Variants in WWTR1 observed in about 807,000 individuals in gnomAD.
The protein encoded by WWTR1 is WW domain containing transcription regulator 1.
Under a neutral mutation model 40.1 loss-of-function variants are expected in WWTR1, and 13 were observed. The observed-to-expected ratio is 0.32, with a 90% CI of 0.21 to 0.52. The LOEUF (loss-of-function observed/expected upper bound fraction) is 0.52, where lower values mean the gene tolerates loss of function less well. Ranked by LOEUF, WWTR1 falls within the 20% of genes least tolerant of loss-of-function variation. The pLI, the probability that WWTR1 is intolerant of heterozygous loss-of-function variation, is 0.97. For missense variants in WWTR1, 436 were observed against 523.1 expected, an observed-to-expected ratio of 0.83 and a Z score of 1.63; for synonymous variants, 230 against 210.1, an observed-to-expected ratio of 1.09 and a Z score of -0.82.
intron 2 of WWTR1, among the ~76,000 whole-genome samples, chr3:149,596,832 G>A (rs771048766): frequency 1.4e-4 from 21 of 152,142 alleles, no homozygotes; most frequent in Admixed American, 2.6e-4. Context: ...TGGTTAAGAC[G>A]TCTGGAATCA....
chr3:149,527,973 C>T lies in WWTR1; in HGVS notation c.772-4G>A, dbSNP rs1489736683. 1 of 1,613,216 alleles carries T rather than the reference C, an allele frequency of 6.2e-7. No homozygotes were observed. Among genetic ancestry groups the T allele is most frequent in the Admixed American group, 1.7e-5 (1 of 59,890 alleles). ...GCTGTCGACAGAGGGCAGCTTCCTA[C>T]AGTCAGAATGGGAAGCAAGAGTCAT... On this transcript the variant is annotated splice_region_variant and splice_polypyrimidine_tract_variant and intron_variant, in intron 4 of 6. Transcript: ENST00000360632.
intron 5 of WWTR1, among the ~76,000 whole-genome samples, chr3:149,526,553 C>G (rs150853250): frequency 6.6e-6 from 1 of 152,162 alleles, no homozygotes; most frequent in Non-Finnish European, 1.5e-5. Context: ...GGAAAAGAAA[C>G]GAGATTTCAG....
chr3:149,580,255 C>T (rs1190022258), intron 2 of WWTR1, among the ~76,000 whole-genome samples: 1 of 152,122 alleles, frequency 6.6e-6, no homozygotes, highest in Non-Finnish European at 1.5e-5. Flanking sequence ...TTTTGTTTTG[C>T]CAACGGTACT....
At chr3:149,706,805 C>T (rs1444931827), upstream of WWTR1, among the ~76,000 whole-genome samples, 1 of 152,124 alleles carries the variant, frequency 6.6e-6, no homozygotes. Flanking sequence ...TTCTAGGAAA[C>T]CTTTTAAGAA....
upstream of WWTR1, chr3:149,658,576 G>A (rs368473764): frequency 6.6e-6 from 1 of 152,348 alleles, no homozygotes; most frequent in Non-Finnish European, 1.5e-5. Flanking sequence ...TTCCACGAGA[G>A]GCTGCTTAGC....
At chr3:149,713,242 TA>T (rs1299829860) in intron 5 of WWTR1, among the ~76,000 whole-genome samples, 3 of 152,252 alleles carry the variant, frequency 2.0e-5, no homozygotes, top group Admixed American at 6.5e-5. Flanking sequence ...TATTTGACTT[TA>T]AAAAAACATT....
intron 2 of WWTR1, among the ~76,000 whole-genome samples, chr3:149,613,920 A>G (rs1206224093): frequency 6.6e-6 from 1 of 152,210 alleles, no homozygotes; most frequent in African/African-American, 2.4e-5. Flanking sequence ...CGGTGAAAAA[A>G]AAAATTGTAA....
At chr3:149,549,354 A>T (rs959066208) in intron 3 of WWTR1, among the ~76,000 whole-genome samples, 1 of 152,236 alleles carries the variant, frequency 6.6e-6, no homozygotes, top group Admixed American at 6.5e-5. Context: ...ATAACACTTT[A>T]TATCTGTAGT....
intron 3 of WWTR1, among the ~76,000 whole-genome samples, chr3:149,568,523 C>CAAAAAAAAAAAAAAAAAAAAA (rs34414853): frequency 3.1e-5 from 2 of 64,816 alleles, no homozygotes; most frequent in Non-Finnish European, 3.2e-5. Context: ...AATTAAAGTG[C>CAAAAAAAAAAAAAAAAAAAAA]AAAAAAAAAA....
intron 1 of WWTR1, among the ~76,000 whole-genome samples, chr3:149,674,144 G>T (rs1714184618): frequency 6.6e-6 from 1 of 151,796 alleles, no homozygotes; most frequent in Admixed American, 6.6e-5. Context: ...TGCTTGAGCT[G>T]AGGAAGCCAA....
chr3:149,525,177 T>C (rs974566473), intron 6 of WWTR1, among the ~76,000 whole-genome samples: 19 of 152,188 alleles, frequency 1.2e-4, no homozygotes, highest in Non-Finnish European at 2.9e-5. Context: ...GTCGTTACCA[T>C]GTTGGAACTT....
intron 2 of WWTR1, among the ~76,000 whole-genome samples, chr3:149,628,458 T>G (rs1711497122): frequency 6.7e-6 from 1 of 150,002 alleles, no homozygotes; most frequent in Non-Finnish European, 1.5e-5. Flanking sequence ...CTCAAACAAA[T>G]ACTGCTCTAG....
intron 1 of WWTR1, among the ~76,000 whole-genome samples, chr3:149,697,979 C>T (rs1276374654): frequency 6.6e-6 from 1 of 152,170 alleles, no homozygotes; most frequent in Non-Finnish European, 1.5e-5. Context: ...GTCCTGCATC[C>T]TGATGTGAAG....
chr3:149,548,683 TCTC>T (rs1042296715), intron 3 of WWTR1, among the ~76,000 whole-genome samples: 2 of 152,110 alleles, frequency 1.3e-5, no homozygotes, highest in Admixed American at 1.3e-4. Flanking sequence ...TTCAAATCCT[TCTC>T]CTCAGTTCAC....
chr3:149,632,559 G>C (rs1263043706), intron 2 of WWTR1, among the ~76,000 whole-genome samples: 1 of 152,188 alleles, frequency 6.6e-6, no homozygotes, highest in African/African-American at 2.4e-5. Context: ...GCAGTAGAGG[G>C]AAACTGCTGT....
At chr3:149,535,234 G>GAAAAA in intron 4 of WWTR1, among the ~76,000 whole-genome samples, 1 of 143,088 alleles carries the variant, frequency 7.0e-6, no homozygotes, top group Non-Finnish European at 1.5e-5. Flanking sequence ...GAAAGAAAAT[G>GAAAAA]AAAAAAAAAA....
At chr3:149,571,684 G>C (rs1314065144) in intron 3 of WWTR1, among the ~76,000 whole-genome samples, 1 of 152,134 alleles carries the variant, frequency 6.6e-6, no homozygotes, top group Non-Finnish European at 1.5e-5. Flanking sequence ...ATGAGGGAAG[G>C]GTGTCCAGGA....
chr3:149,692,735 G>T (rs1472027071), intron 1 of WWTR1, among the ~76,000 whole-genome samples: 1 of 152,136 alleles, frequency 6.6e-6, no homozygotes, highest in Non-Finnish European at 1.5e-5. Flanking sequence ...TCAGGTTCAA[G>T]CGATTTTCCT....
chr3:149,523,243 A>G (rs1735144791), intron 6 of WWTR1, among the ~76,000 whole-genome samples: 1 of 147,016 alleles, frequency 6.8e-6, no homozygotes, highest in African/African-American at 2.7e-5. Flanking sequence ...GACAAACACA[A>G]GGCAATTCTT....
Sources: allele counts gnomAD v4.1 joint callset (sites outside exome capture counted in the v4.1 genomes callset), GRCh38; gene constraint gnomAD v4.1.1; transcripts MANE v1.5; gene names NCBI Gene and HGNC (gene_info 2026-07-23, HGNC 2026-07-21).